The following ABI2 variants were observed in gnomAD, a reference collection of about 807,000 sequenced individuals.
The protein encoded by ABI2 is abl interactor 2.
A neutral mutation model predicts 59.2 loss-of-function variants in ABI2; 25 were observed. That is an observed-to-expected ratio of 0.42 (90% CI 0.31 to 0.59). The LOEUF (loss-of-function observed/expected upper bound fraction) is 0.59. Ranked by LOEUF, ABI2 falls within the 20% of genes least tolerant of loss-of-function variation. The pLI, the probability that ABI2 is intolerant of heterozygous loss-of-function variation, is 0.14. For missense variants in ABI2, 545 were observed against 681.8 expected (o/e 0.80, Z 2.23); for synonymous variants, 213 against 235.5 (o/e 0.90, Z 0.87).
At chr2:203,356,399 C>T (rs192950371) in intron 1 of ABI2, among the ~76,000 whole-genome samples, 6 of 152,038 alleles carry the variant, frequency 3.9e-5, no homozygotes, top group African/African-American at 7.2e-5. Flanking sequence ...GACAGAGTCT[C>T]GCTCTGTTGC....
At chr2:203,357,898 A>G in intron 1 of ABI2, among the ~76,000 whole-genome samples, 1 of 151,928 alleles carries the variant, frequency 6.6e-6, no homozygotes, top group East Asian at 1.9e-4. Context: ...CCTCCCAAGT[A>G]GCTGGGACTA....
chr2:203,400,674 C>T (rs1025546518), intron 8 of ABI2, among the ~76,000 whole-genome samples: 2 of 152,088 alleles, frequency 1.3e-5, no homozygotes, highest in African/African-American at 4.8e-5. Context: ...TATAACAAGC[C>T]TTGAGTGCTC....
chr2:203,341,033 C>G (rs2079568440), intron 1 of ABI2, among the ~76,000 whole-genome samples: 1 of 152,174 alleles, frequency 6.6e-6, no homozygotes, highest in South Asian at 2.1e-4. Flanking sequence ...TGCCCTCTGC[C>G]AGGAGTACTC....
At chr2:203,422,362 C>T (rs1580926783) in intron 11 of ABI2, among the ~76,000 whole-genome samples, 1 of 152,124 alleles carries the variant, frequency 6.6e-6, no homozygotes, top group Non-Finnish European at 1.5e-5. Context: ...TCTCAGGTAC[C>T]CTGAGTGATA....
chr2:203,348,184 T>C (rs4675335), intron 1 of ABI2, among the ~76,000 whole-genome samples: 112,154 of 152,122 alleles, frequency 0.74, 42,476 homozygotes, highest in Middle Eastern at 0.87. Context: ...AAGGTTGCAG[T>C]GAGCAGAGAT....
intron 2 of ABI2, among the ~76,000 whole-genome samples, chr2:203,372,043 GTC>G (rs1331330636): frequency 6.6e-6 from 1 of 151,966 alleles, no homozygotes; most frequent in Non-Finnish European, 1.5e-5. Flanking sequence ...GTGAACAAAG[GTC>G]TCTGGTTTTC....
chr2:203,392,311 CCACCAACAACAACAACAACAA>C (rs1259359179), intron 5 of ABI2, among the ~76,000 whole-genome samples: 7 of 89,586 alleles, frequency 7.8e-5, no homozygotes, highest in South Asian at 3.9e-4. Flanking sequence ...ACCACCACCA[CCACCAACAACAACAACAACAA>C]CAACAACAAC....
At position 203,430,730 on chromosome 2, in the gene ABI2, A is replaced by G. The variant is rs920037955; in HGVS notation, c.*3378A>G. The G allele has an allele frequency of 6.6e-6, 1 of 152,174 alleles. No homozygotes were observed. Among genetic ancestry groups the G allele is most frequent in the Non-Finnish European group, 1.5e-5 (1 of 68,048 alleles). The allele number at this position is 152,174 out of a possible 1,614,324, so 9.4% of individuals were successfully genotyped here. On this transcript the variant is annotated 3_prime_UTR_variant, in exon 12 of 12. Transcript: ENST00000261018. ...GTTCCTAAAAGTTACTGGGTGTGAG[A>G]CATTTTCATCCCCTCCTTTTTCCTA...
intron 2 of ABI2, among the ~76,000 whole-genome samples, chr2:203,370,220 C>CTCTCTCTCTT (rs2095010650): frequency 7.0e-6 from 1 of 142,714 alleles, no homozygotes; most frequent in African/African-American, 2.8e-5. Context: ...CTCTCTCTCT[C>CTCTCTCTCTT]TCTCTCTTTC....
chr2:203,405,279 AT>A lies in ABI2; in HGVS notation c.1192+2554del, dbSNP rs919745898. ...TAATCAGAGTACTTTTTGTAAACTA[AT>A]TTTTTTTTAACTAAACCATTTTCTT... On this transcript the variant is annotated intron_variant, in intron 9 of 11. Coordinates refer to ENST00000261018, the MANE Select transcript of ABI2 (RefSeq NM_001375670.1). Among the ~76,000 whole-genome samples the A allele has an allele frequency of 1.4e-4, 22 of 151,770 alleles. No homozygotes were observed. The East Asian group carries it at 1.5e-3, about 11-fold the overall frequency.
chr2:203,404,803 C>G (rs2097359626), intron 9 of ABI2, among the ~76,000 whole-genome samples: 1 of 152,192 alleles, frequency 6.6e-6, no homozygotes, highest in Non-Finnish European at 1.5e-5. Flanking sequence ...AAGTCATCCA[C>G]TTGCCTTGGC....
At chr2:203,384,634 A>G (rs1322116476) in intron 4 of ABI2, among the ~76,000 whole-genome samples, 2 of 151,634 alleles carry the variant, frequency 1.3e-5, no homozygotes, top group Non-Finnish European at 2.9e-5. Context: ...AGTAAAAAGA[A>G]TTTTAAGACC....
intron 11 of ABI2, 67 bp downstream of exon 11, chr2:203,417,148 C>T (rs780181026): frequency 3.7e-6 from 5 of 1,338,830 alleles, no homozygotes; most frequent in African/African-American, 1.5e-5. Context: ...ATTTGCGGTA[C>T]TGAAGAGAAT....
intron 1 of ABI2, among the ~76,000 whole-genome samples, chr2:203,339,870 A>C (rs983932755): frequency 1.3e-5 from 2 of 152,202 alleles, no homozygotes; most frequent in Non-Finnish European, 2.9e-5. Flanking sequence ...AGTATACCCA[A>C]ATCTGCATAT....
chr2:203,417,973 G>GAGAGAA (rs1322589737), intron 11 of ABI2, among the ~76,000 whole-genome samples: 3 of 152,108 alleles, frequency 2.0e-5, no homozygotes, highest in African/African-American at 7.2e-5. Flanking sequence ...AAGAGAGAGA[G>GAGAGAA]AGAGAAAGAG....
At chr2:203,348,074 C>A (rs532284782) in intron 1 of ABI2, among the ~76,000 whole-genome samples, 2 of 151,980 alleles carry the variant, frequency 1.3e-5, no homozygotes, top group Non-Finnish European at 2.9e-5. Flanking sequence ...ACCCTCGTGT[C>A]TCCTAAAAAT....
chr2:203,413,310 TG>T (rs2097756346), intron 10 of ABI2, among the ~76,000 whole-genome samples: 1 of 152,224 alleles, frequency 6.6e-6, no homozygotes, highest in Non-Finnish European at 1.5e-5. Context: ...AGGATGTCAT[TG>T]GTTTTCGCCA....
chr2:203,411,406 T>C, intron 10 of ABI2, 35 bp downstream of exon 10: 1 of 1,522,178 alleles, frequency 6.6e-7, no homozygotes. Flanking sequence ...GTAGATCAGA[T>C]TGTAGGCATA....
rs1289601106 is a variant in ABI2, at chr2:203,380,626, T to G, written c.462+242T>G. ...ATATTTGCTTGGTTATGATAATACC[T>G]CCTATGGTTTGAGTAAATAAGTGTC... is the stretch of plus-strand genomic sequence containing the variant. On this transcript the variant is annotated intron_variant, in intron 3 of 11. Transcript: ENST00000261018. 2.0e-5 allele frequency among the ~76,000 whole-genome samples: 3 copies of G among 152,204 alleles called. No individual in the cohort carries two copies. The East Asian group carries it at 5.8e-4, about 29-fold the overall frequency.
Sources: allele counts gnomAD v4.1 joint callset (sites outside exome capture counted in the v4.1 genomes callset), GRCh38; gene constraint gnomAD v4.1.1; transcripts MANE v1.5; gene names NCBI Gene and HGNC (gene_info 2026-07-23, HGNC 2026-07-21).